KCNQ1: variants seen among roughly 807,000 people sequenced by gnomAD.
KCNQ1 encodes the protein potassium voltage-gated channel subfamily Q member 1.
In KCNQ1, 49 loss-of-function variants were observed where a neutral mutation model predicts 72.4. The observed-to-expected ratio is 0.68, with a 90% CI of 0.54 to 0.86. The LOEUF (loss-of-function observed/expected upper bound fraction) is 0.86. Among genes scored for constraint, KCNQ1 ranks in the 40% least tolerant of loss-of-function variants. KCNQ1 has a pLI of 0.00. For missense variants in KCNQ1, 790 were observed against 945.1 expected, an observed-to-expected ratio of 0.84 and a Z score of 2.15; for synonymous variants, 450 against 412.6, an observed-to-expected ratio of 1.09 and a Z score of -1.10.
At chr11:2,634,096 G>A in intron 10 of KCNQ1, 1 of 394,256 alleles carries the variant, frequency 2.5e-6, no homozygotes, top group Non-Finnish European at 4.4e-6. Flanking sequence ...CAAGTTTAAG[G>A]ATTGTGTTTT....
At chr11:2,628,632 T>G (rs779704806) in intron 10 of KCNQ1, 3 of 398,322 alleles carry the variant, frequency 7.5e-6, no homozygotes, top group Non-Finnish European at 1.3e-5. Flanking sequence ...GCAGACACTT[T>G]TTTGTTTGAT....
At chr11:2,569,334 T>A (rs114927966) in intron 2 of KCNQ1, among the ~76,000 whole-genome samples, 1 of 152,240 alleles carries the variant, frequency 6.6e-6, no homozygotes, top group Non-Finnish European at 1.5e-5. Context: ...CCCTTATCCA[T>A]TGGGCTTGTC....
chr11:2,523,420 G>T (rs1449520679), intron 1 of KCNQ1, among the ~76,000 whole-genome samples: 5 of 152,038 alleles, frequency 3.3e-5, no homozygotes, highest in African/African-American at 1.2e-4. Context: ...GACTGGTCTC[G>T]AACTCCTGTC....
Position 2,571,423 on chromosome 11 carries a change from TC to T in KCNQ1, c.683+26del. ...CATCAGGTGCGTCTGTGCCACAAGC[TC>T]CCCCCGCCATGCCGCCCCACCCCGA... On this transcript the variant is annotated intron_variant, in intron 4 of 15. Transcript: ENST00000155840. 4.4e-6 allele frequency: 7 copies of T among 1,573,524 alleles called. No homozygotes were observed. Among genetic ancestry groups the T allele is most frequent in the Non-Finnish European group, 1.7e-6 (2 of 1,163,192 alleles).
intron 2 of KCNQ1, among the ~76,000 whole-genome samples, chr11:2,542,150 A>G (rs550021896): frequency 1.1e-3 from 166 of 152,322 alleles, no homozygotes; most frequent in African/African-American, 3.7e-3. Context: ...TCCTCTCTGC[A>G]CCTCAGCTTC....
chr11:2,525,715 T>A (rs1847490050), intron 1 of KCNQ1, among the ~76,000 whole-genome samples: 1 of 152,220 alleles, frequency 6.6e-6, no homozygotes, highest in Admixed American at 6.5e-5. Flanking sequence ...ACGTGGCTGA[T>A]CAGACTTGTG....
chr11:2,545,624 T>G (rs1847893656), intron 2 of KCNQ1, among the ~76,000 whole-genome samples: 1 of 152,150 alleles, frequency 6.6e-6, no homozygotes, highest in Non-Finnish European at 1.5e-5. Flanking sequence ...AGGTGATAAT[T>G]ATATTCAGGT....
intron 11 of KCNQ1, among the ~76,000 whole-genome samples, chr11:2,751,046 GC>G (rs1407514364): frequency 1.3e-5 from 2 of 152,166 alleles, no homozygotes; most frequent in Non-Finnish European, 2.9e-5. Context: ...TGTGCAGGCA[GC>G]CTCAGACCTG....
chr11:2,648,981 C>CTTTTTTTTTTTTTTTTTTTTTTT, intron 10 of KCNQ1: 32 of 213,282 alleles, frequency 1.5e-4, no homozygotes, highest in Admixed American at 2.9e-4. Context: ...TTTTCTTTTT[C>CTTTTTTTTTTTTTTTTTTTTTTT]TTTTTTTTTT....
chr11:2,637,815 G>A lies in KCNQ1; in HGVS notation c.1394-24146G>A, dbSNP rs542560387. 1.2e-3 allele frequency: 185 copies of A among 152,270 alleles called. 1 individual carries two copies. Among genetic ancestry groups the A allele is most frequent in the African/African-American group, 4.2e-3 (174 of 41,550 alleles). 9.4% of individuals were successfully genotyped at this position (152,270 alleles called of 1,614,324 possible). A position where few individuals can be genotyped will look rare whatever the true frequency, so the allele number is the denominator to read the frequency against. ...AGTCTCCCATTATTATTGTGTGGGAGTCTGTCTCTTTGTAGATCTCTAAGG... is the reference window on the plus strand; with the variant it reads ...AGTCTCCCATTATTATTGTGTGGGAATCTGTCTCTTTGTAGATCTCTAAGG... On this transcript the variant is annotated intron_variant, in intron 10 of 15. Coordinates refer to ENST00000155840, the MANE Select transcript of KCNQ1 (RefSeq NM_000218.3).
intron 10 of KCNQ1, chr11:2,648,976 TTTTTC>T (rs1849710533): frequency 8.2e-6 from 3 of 367,100 alleles, no homozygotes; most frequent in Admixed American, 1.2e-4. Context: ...CTCTTTTTTC[TTTTTC>T]TTTTTTTTTT....
intron 10 of KCNQ1, chr11:2,615,793 T>G (rs1440272972): frequency 2.5e-6 from 1 of 397,992 alleles, no homozygotes; most frequent in African/African-American, 2.1e-5. Flanking sequence ...ACTAGTACTT[T>G]GTTAAATAAA....
intron 10 of KCNQ1, chr11:2,629,635 G>A (rs956172404): frequency 3.0e-5 from 12 of 398,254 alleles, no homozygotes; most frequent in Middle Eastern, 6.2e-4. Flanking sequence ...GAAATCATGC[G>A]TTCATATATG....
intron 10 of KCNQ1, chr11:2,656,208 C>G (rs1284423034): frequency 5.0e-6 from 2 of 398,408 alleles, no homozygotes; most frequent in Middle Eastern, 6.3e-4. Flanking sequence ...AAATTGAATC[C>G]TGGATGAAGT....
At position 2,494,167 on chromosome 11, in the gene KCNQ1, G is replaced by A. The variant is rs1402849397; in HGVS notation, c.387-33761G>A. ...TCTGCTTGTCTATTTTTGGTGTATA[G>A]GAATGCTTGTGAATTTTGCACATTG... is the stretch of plus-strand genomic sequence containing the variant. On this transcript the variant is annotated intron_variant, in intron 1 of 15. Transcript: ENST00000155840. This position sits in a 1 kb window ranked among gnomAD's most constrained non-coding sequence, Gnocchi z 4.6. Among the ~76,000 whole-genome samples, 1 of 152,020 alleles carries A rather than the reference G, an allele frequency of 6.6e-6. No individual in the cohort carries two copies. Among genetic ancestry groups the A allele is most frequent in the Non-Finnish European group, 1.5e-5 (1 of 67,998 alleles).
At chr11:2,472,452 C>T (rs1046407315) in intron 1 of KCNQ1, among the ~76,000 whole-genome samples, 4 of 152,044 alleles carry the variant, frequency 2.6e-5, no homozygotes, top group Non-Finnish European at 2.9e-5. Flanking sequence ...ATGTCCCTCA[C>T]AGGGCAGAGC....
At position 2,725,638 on chromosome 11, in the gene KCNQ1, G is replaced by A. The variant is rs568678442; in HGVS notation, c.1515-43206G>A. On this transcript the variant is annotated intron_variant, in intron 11 of 15. Transcript: ENST00000155840. This position sits in a 1 kb window ranked among gnomAD's most constrained non-coding sequence, Gnocchi z 7.2. ...CGAACGTACCCTTTCCATGAGGCTGGGCGCCCTGCCCTGCCTTCAGTGCCA... is the reference window on the plus strand; with the variant it reads ...CGAACGTACCCTTTCCATGAGGCTGAGCGCCCTGCCCTGCCTTCAGTGCCA... 6.6e-6 allele frequency among the ~76,000 whole-genome samples: 1 copy of A among 152,322 alleles called. No homozygotes were observed. Among genetic ancestry groups the A allele is most frequent in the African/African-American group, 2.4e-5 (1 of 41,576 alleles).
chr11:2,795,923 G>A (rs902869405), intron 15 of KCNQ1, among the ~76,000 whole-genome samples: 11 of 152,144 alleles, frequency 7.2e-5, no homozygotes, highest in Non-Finnish European at 1.3e-4. Context: ...ACAGGGCTTG[G>A]AGATGGAGGC....
intron 1 of KCNQ1, among the ~76,000 whole-genome samples, 196 bp from the exon 2 acceptor site, chr11:2,527,732 T>G (rs1350716082): frequency 6.6e-6 from 1 of 152,224 alleles, no homozygotes; most frequent in East Asian, 1.9e-4. Flanking sequence ...CTTCGTCCCT[T>G]CCCGTGGCGG....
Sources: allele counts gnomAD v4.1 joint callset (sites outside exome capture counted in the v4.1 genomes callset), GRCh38; gene constraint gnomAD v4.1.1; non-coding constraint Gnocchi (gnomAD v3.1); transcripts MANE v1.5; gene names NCBI Gene and HGNC (gene_info 2026-07-23, HGNC 2026-07-21).